NELL1: variants seen among roughly 807,000 people sequenced by gnomAD.
NELL1 encodes neural EGFL like 1.
NELL1 carries 76 observed loss-of-function variants against 107.4 expected under a neutral mutation model. That is an observed-to-expected ratio of 0.71 (90% CI 0.59 to 0.86). The LOEUF is 0.86. Ranked by LOEUF, NELL1 falls within the 40% of genes least tolerant of loss-of-function variation. The probability of loss-of-function intolerance (pLI) is 0.00; values close to 1 mark genes in which losing one functional copy is unlikely to be tolerated. For missense variants in NELL1, 1,024 were observed against 1,005.5 expected (o/e 1.02, Z -0.25); for synonymous variants, 353 against 341.2 (o/e 1.03, Z -0.38).
chr11:21,416,922 T>C (rs556587016), intron 15 of NELL1, among the ~76,000 whole-genome samples: 3 of 152,254 alleles, frequency 2.0e-5, no homozygotes, highest in African/African-American at 7.2e-5. Flanking sequence ...TTCATGATGA[T>C]GATTAACCTA....
chr11:20,793,365 A>G (rs2133993355), intron 3 of NELL1, among the ~76,000 whole-genome samples: 1 of 151,960 alleles, frequency 6.6e-6, no homozygotes, highest in Middle Eastern at 3.4e-3. Context: ...TTTTATTTCT[A>G]ATGTGTGATA....
intron 2 of NELL1, among the ~76,000 whole-genome samples, chr11:20,738,067 A>G (rs1564887150): frequency 1.6e-4 from 1 of 6,324 alleles, no homozygotes; most frequent in African/African-American, 3.3e-4. Context: ...ACCCAGAATC[A>G]TCTATCATCT....
At chr11:21,538,143 C>T (rs1221442993) in intron 16 of NELL1, among the ~76,000 whole-genome samples, 1 of 151,998 alleles carries the variant, frequency 6.6e-6, no homozygotes, top group Non-Finnish European at 1.5e-5. Context: ...TGGTTTGTAG[C>T]ATATACTCAG....
intron 2 of NELL1, among the ~76,000 whole-genome samples, chr11:20,713,548 A>G (rs1171858343): frequency 1.3e-5 from 2 of 152,256 alleles, no homozygotes; most frequent in South Asian, 2.1e-4. Flanking sequence ...CCCAGGTCAT[A>G]AAGTTCCCAC....
intron 2 of NELL1, among the ~76,000 whole-genome samples, chr11:20,699,730 C>G (rs766003556): frequency 6.6e-6 from 1 of 152,272 alleles, no homozygotes; most frequent in African/African-American, 2.4e-5. Flanking sequence ...TTGCTGATTG[C>G]GCTGCTATAA....
intron 2 of NELL1, among the ~76,000 whole-genome samples, chr11:20,749,581 A>G (rs79881349): frequency 0.012 from 1,793 of 152,254 alleles, 39 homozygotes; most frequent in African/African-American, 0.041. Context: ...AGCTTGGGTG[A>G]CAGAGAAAGA....
chr11:21,432,914 C>T (rs907879045), intron 15 of NELL1, among the ~76,000 whole-genome samples: 1 of 152,088 alleles, frequency 6.6e-6, no homozygotes, highest in Non-Finnish European at 1.5e-5. Context: ...TAAATGATTG[C>T]TAACTGTATT....
intron 2 of NELL1, among the ~76,000 whole-genome samples, chr11:20,747,957 T>C (rs1356567005): frequency 6.6e-6 from 1 of 152,106 alleles, no homozygotes; most frequent in Non-Finnish European, 1.5e-5. Flanking sequence ...GGTGGGGAAA[T>C]TTGTATTCTT....
At chr11:21,276,336 G>T (rs1848858728) in intron 14 of NELL1, among the ~76,000 whole-genome samples, 1 of 152,094 alleles carries the variant, frequency 6.6e-6, no homozygotes, top group South Asian at 2.1e-4. Flanking sequence ...AATCCAACTT[G>T]CAAGGGACGT....
intron 18 of NELL1, among the ~76,000 whole-genome samples, chr11:21,572,549 A>T (rs920266173): frequency 2.0e-5 from 3 of 151,876 alleles, no homozygotes; most frequent in African/African-American, 7.2e-5. Context: ...ATAGTGAAAT[A>T]GTTTTATTGT....
chr11:21,224,948 A>G (rs1345415231), intron 13 of NELL1, among the ~76,000 whole-genome samples: 2 of 152,088 alleles, frequency 1.3e-5, no homozygotes, highest in East Asian at 3.9e-4. Context: ...ATTTTCAGTC[A>G]TTTCATAGAC....
intron 15 of NELL1, among the ~76,000 whole-genome samples, chr11:21,479,183 C>T (rs1854426144): frequency 1.3e-5 from 2 of 152,094 alleles, no homozygotes; most frequent in Non-Finnish European, 2.9e-5. Flanking sequence ...AATCCCACTT[C>T]TGGGTATATA....
chr11:20,934,808 A>C (rs1328487605), intron 9 of NELL1, among the ~76,000 whole-genome samples: 1 of 152,322 alleles, frequency 6.6e-6, no homozygotes, highest in East Asian at 1.9e-4. Context: ...ATGCAAGTAC[A>C]CTGGGAAATC....
intron 15 of NELL1, among the ~76,000 whole-genome samples, chr11:21,506,506 A>C (rs939252015): frequency 1.3e-5 from 2 of 152,182 alleles, no homozygotes; most frequent in African/African-American, 4.8e-5. Flanking sequence ...TCTGGAATAA[A>C]ATGGCCTTCA....
At chr11:20,783,645 T>C in intron 2 of NELL1, 35 bp from the exon 3 acceptor site, 9 of 1,552,074 alleles carry the variant, frequency 5.8e-6, no homozygotes, top group Non-Finnish European at 8.0e-6. Flanking sequence ...TCTTCTCCTC[T>C]CCTGTTTCCT....
At chr11:21,459,626 A>G (rs80082849) in intron 15 of NELL1, among the ~76,000 whole-genome samples, 32 of 152,054 alleles carry the variant, frequency 2.1e-4, no homozygotes, top group Admixed American at 6.6e-5. Flanking sequence ...AAGATGAGCT[A>G]TCTAAACATC....
At chr11:20,917,638 C>G (rs759541177) in intron 5 of NELL1, among the ~76,000 whole-genome samples, 1 of 151,958 alleles carries the variant, frequency 6.6e-6, no homozygotes, top group Non-Finnish European at 1.5e-5. Flanking sequence ...TTGAGCTATT[C>G]TTCCAGACTG....
Position 21,248,675 on chromosome 11 carries a change from C to T in NELL1, c.1549+19221C>T, listed in dbSNP as rs149804874. 1.0e-3 allele frequency among the ~76,000 whole-genome samples: 157 copies of T among 152,274 alleles called. 4 individuals carry two copies. In the East Asian group the frequency reaches 0.03, roughly 29 times the overall value. ...TTTTGCCACCCAGCGTTCTTTTACC[C>T]TGCTGCTAAATGTTTCTCGATTTCC... On this transcript the variant is annotated intron_variant, in intron 14 of 19. Transcript: ENST00000357134.
At chr11:21,009,160 C>G (rs1281422828) in intron 12 of NELL1, among the ~76,000 whole-genome samples, 2 of 152,148 alleles carry the variant, frequency 1.3e-5, no homozygotes, top group East Asian at 3.9e-4. Flanking sequence ...ATCTCTGATT[C>G]ACGGCTGCCT....
Sources: allele counts gnomAD v4.1 joint callset (sites outside exome capture counted in the v4.1 genomes callset), GRCh38; gene constraint gnomAD v4.1.1; transcripts MANE v1.5; gene names NCBI Gene and HGNC (gene_info 2026-07-23, HGNC 2026-07-21).